RNF14: variants seen among roughly 807,000 people sequenced by gnomAD.
RNF14 encodes the protein E3 ubiquitin-protein ligase RNF14.
In RNF14, 26 loss-of-function variants were observed where a neutral mutation model predicts 52.6. The ratio of observed to expected loss-of-function variants is 0.49; its 90% CI spans 0.36 to 0.69. The LOEUF (loss-of-function observed/expected upper bound fraction) is 0.69, where lower values mean the gene tolerates loss of function less well. Ranked by LOEUF, RNF14 falls within the 30% of genes least tolerant of loss-of-function variation. The pLI is 0.00. For synonymous variants in RNF14, 194 were observed against 202.0 expected (o/e 0.96, Z 0.34); for missense variants, 404 against 560.4 (o/e 0.72, Z 2.82).
chr5:141,950,167 G>A, the RNF14 span, among the ~76,000 whole-genome samples: 1,269 of 152,210 alleles, frequency 8.3e-3, 18 homozygotes, highest in African/African-American at 0.029. Flanking sequence ...GGGTGCAGCC[G>A]GAGTGAGGCA....
At chr5:141,957,325 G>C (rs1187375842), upstream of RNF14, 1 of 1,613,422 alleles carries the variant, frequency 6.2e-7, no homozygotes. This position sits in a 1 kb window ranked among gnomAD's most constrained non-coding sequence, Gnocchi z 4.3. Flanking sequence ...GTGCTCACTG[G>C]GAGACAGAGT....
Position 141,987,831 on chromosome 5 carries a change from T to G in RNF14, c.*41T>G. ...GATATGGAAGTGGATTGTTTTTCCC[T>G]AATCTTCCGTCAAGTACACAAAGTA... is the stretch of plus-strand genomic sequence containing the variant. On this transcript the variant is annotated 3_prime_UTR_variant, in exon 9 of 9. Coordinates refer to ENST00000394520, the MANE Select transcript of RNF14 (RefSeq NM_004290.5). 1 of 1,572,850 alleles carries G rather than the reference T, an allele frequency of 6.4e-7. No homozygotes were observed. The highest frequency in any genetic ancestry group is 1.1e-5 in the South Asian group (1 of 90,224).
intron 3 of RNF14, 97 bp downstream of exon 3, chr5:141,973,839 A>T: frequency 9.5e-7 from 1 of 1,048,096 alleles, no homozygotes; most frequent in Non-Finnish European, 1.4e-6. Flanking sequence ...CATTAGTGAT[A>T]GGTGGTAGTA....
upstream of RNF14, chr5:141,955,378 G>A: frequency 6.2e-7 from 1 of 1,614,010 alleles, no homozygotes; most frequent in Non-Finnish European, 8.5e-7. This position sits in a 1 kb window ranked among gnomAD's most constrained non-coding sequence, Gnocchi z 5.5. Context: ...ATTACGCAGC[G>A]TCCTGTACAG....
chr5:141,952,586 C>A, the RNF14 span: 1 of 152,142 alleles, frequency 6.6e-6, no homozygotes, highest in East Asian at 1.9e-4. Context: ...CACGGCCAGA[C>A]CCTATAGGCC....
the RNF14 span, among the ~76,000 whole-genome samples, chr5:141,951,000 A>G: frequency 6.6e-6 from 1 of 152,166 alleles, no homozygotes; most frequent in Non-Finnish European, 1.5e-5. Context: ...GAATCAAGCT[A>G]CTCAGAGCCT....
chr5:141,956,607 A>G (rs147767001), upstream of RNF14: 11 of 1,614,072 alleles, frequency 6.8e-6, no homozygotes, highest in Admixed American at 1.0e-4. Context: ...CCAGTGTGGC[A>G]TTGGTTAGCA....
chr5:141,977,813 A>G (rs1167901668), intron 4 of RNF14, among the ~76,000 whole-genome samples: 1 of 152,260 alleles, frequency 6.6e-6, no homozygotes, highest in Non-Finnish European at 1.5e-5. Flanking sequence ...TAAAACTGAA[A>G]GAATTAATTT....
rs1754650821 is a variant in RNF14 at position 141,980,253 on chromosome 5, C to T, written c.965C>T (p.Pro322Leu). The T allele has an allele frequency of 6.2e-7, 1 of 1,614,276 alleles. No homozygotes were observed. Among genetic ancestry groups the T allele is most frequent in the Non-Finnish European group, 8.5e-7 (1 of 1,180,050 alleles). Residue 322 changes from proline to leucine, a missense_variant, in exon 6 of 9, where the codon CCT (proline) becomes CTT (leucine). Transcript: ENST00000394520. ...TGCCAGCTGCCTGTGATGCAGGAAC[C>T]TGGCTGCACCATGGGTATCTGCTCC... ...PCCQLPVMQEPGCTMGICSSC... is the reference protein window; with the variant it reads ...PCCQLPVMQELGCTMGICSSC...
the RNF14 span, chr5:141,951,545 G>T: frequency 5.0e-6 from 8 of 1,614,170 alleles, no homozygotes; most frequent in Non-Finnish European, 3.4e-6. Context: ...TTTGGTTTGG[G>T]CTGGAATTGG....
At chr5:141,964,047 C>A (rs569642808), upstream of RNF14, among the ~76,000 whole-genome samples, 1 of 152,086 alleles carries the variant, frequency 6.6e-6, no homozygotes, top group Non-Finnish European at 1.5e-5. Context: ...TGCCAGGTTG[C>A]GAGTATAAAC....
At chr5:141,976,794 T>G (rs1298909146) in intron 4 of RNF14, among the ~76,000 whole-genome samples, 1 of 61,668 alleles carries the variant, frequency 1.6e-5, no homozygotes, top group Non-Finnish European at 3.3e-5. Flanking sequence ...TTTTTTTTTT[T>G]TTTTTTTTTT....
chr5:141,955,022 C>T (rs551312542), upstream of RNF14: 155 of 1,614,180 alleles, frequency 9.6e-5, no homozygotes, highest in Non-Finnish European at 1.2e-4. This position sits in a 1 kb window ranked among gnomAD's most constrained non-coding sequence, Gnocchi z 5.5. Flanking sequence ...TTCCGCTCGG[C>T]GAAGGCAGCC....
intron 6 of RNF14, 77 bp from the exon 7 acceptor site, chr5:141,983,295 TAGTCGAAG>T: frequency 9.7e-7 from 1 of 1,033,548 alleles, no homozygotes; most frequent in African/African-American, 1.6e-5. Flanking sequence ...CATTATTGAA[TAGTCGAAG>T]ATTATAGCCA....
At chr5:141,982,917 C>G (rs923868427) in intron 6 of RNF14, among the ~76,000 whole-genome samples, 1 of 152,104 alleles carries the variant, frequency 6.6e-6, no homozygotes, top group Non-Finnish European at 1.5e-5. Context: ...CTGCATACTT[C>G]TAGATGCATA....
At chr5:141,986,742 ACT>A (rs1269503895) in intron 8 of RNF14, among the ~76,000 whole-genome samples, 4 of 152,126 alleles carry the variant, frequency 2.6e-5, no homozygotes, top group Non-Finnish European at 5.9e-5. Flanking sequence ...GGAAACAGAC[ACT>A]CTAAGGATGG....
chr5:141,983,342 A>G, intron 6 of RNF14, 38 bp from the exon 7 acceptor site: 1 of 1,549,298 alleles, frequency 6.5e-7, no homozygotes, highest in Non-Finnish European at 8.8e-7. Flanking sequence ...CAGCATTACA[A>G]AGTTATATAA....
At chr5:141,980,710 G>A (rs939405067) in intron 6 of RNF14, among the ~76,000 whole-genome samples, 6 of 152,156 alleles carry the variant, frequency 3.9e-5, no homozygotes, top group African/African-American at 1.2e-4. Context: ...CCGGCAAAAT[G>A]GTTTAAGTAA....
At chr5:141,952,040 G>T in the RNF14 span, among the ~76,000 whole-genome samples, 1 of 152,208 alleles carries the variant, frequency 6.6e-6, no homozygotes, top group Non-Finnish European at 1.5e-5. Flanking sequence ...AGGCAAAATG[G>T]TGTCATTGAA....
Sources: gnomAD v4.1 joint callset for allele counts (sites outside exome capture counted in the v4.1 genomes callset) on GRCh38, gnomAD v4.1.1 for gene constraint, Gnocchi (gnomAD v3.1) non-coding constraint, MANE v1.5 for transcripts, NCBI Gene and HGNC (gene_info 2026-07-23, HGNC 2026-07-21) for gene names.